NEK5: variants seen among roughly 807,000 people sequenced by gnomAD.
NEK5 encodes NIMA related kinase 5, also known as serine/threonine-protein kinase Nek5.
A neutral mutation model predicts 109.2 loss-of-function variants in NEK5; 88 were observed. That is an observed-to-expected ratio of 0.81 (90% CI 0.68 to 0.96). The LOEUF (loss-of-function observed/expected upper bound fraction) is 0.96, where lower values mean the gene tolerates loss of function less well. Ranked by LOEUF, NEK5 falls within the 40% of genes least tolerant of loss-of-function variation. NEK5 has a pLI of 0.00. For missense variants in NEK5, 834 were observed against 920.7 expected (o/e 0.91, Z 1.22); for synonymous variants, 283 against 299.9 (o/e 0.94, Z 0.58).
intron 19 of NEK5, among the ~76,000 whole-genome samples, chr13:52,075,241 T>G (rs550537966): frequency 1.6e-4 from 24 of 152,194 alleles, no homozygotes; most frequent in African/African-American, 5.1e-4. Context: ...TCAGTGGTGG[T>G]CTGGATAAAG....
intron 17 of NEK5, among the ~76,000 whole-genome samples, 169 bp downstream of exon 17, chr13:52,083,091 A>C (rs1955046685): frequency 6.6e-6 from 1 of 152,060 alleles, no homozygotes; most frequent in African/African-American, 2.4e-5. Context: ...CACTGCAGTG[A>C]GCCAAGATCG....
Position 52,034,382 on chromosome 13 carries a change from A to ACTT in NEK5, c.*2563_*2565dup, listed in dbSNP as rs1488502356. 1.3e-5 allele frequency: 2 copies of ACTT among 152,156 alleles called. No homozygotes were observed. The highest frequency in any genetic ancestry group is 6.5e-5 in the Admixed American group (1 of 15,276). 9.4% of individuals were successfully genotyped at this position (152,156 alleles called of 1,614,324 possible). A position where few individuals can be genotyped will look rare whatever the true frequency, so the allele number is the denominator to read the frequency against. On this transcript the variant is annotated 3_prime_UTR_variant, in exon 24 of 24. Transcript: ENST00000684899. ...GATATGTATACTTATCACAGTGAAT[A>ACTT]CTTCCAGTTTACAGCAAAGAATTCA...
intron 23 of NEK5, among the ~76,000 whole-genome samples, chr13:52,038,170 C>CAAAAAAATT (rs1555307070): frequency 3.3e-5 from 5 of 151,792 alleles, no homozygotes; most frequent in Admixed American, 1.3e-4. Context: ...ACTAAAAATA[C>CAAAAAAATT]AAAAAATTAG....
intron 21 of NEK5, among the ~76,000 whole-genome samples, chr13:52,062,657 G>C (rs1730847452): frequency 6.6e-6 from 1 of 152,018 alleles, no homozygotes; most frequent in African/African-American, 2.4e-5. Context: ...CTGACCTCAT[G>C]ATCTGCCCAC....
intron 16 of NEK5, among the ~76,000 whole-genome samples, chr13:52,085,814 A>C (rs1402436981): frequency 6.6e-6 from 1 of 152,242 alleles, no homozygotes; most frequent in Non-Finnish European, 1.5e-5. Context: ...TTTAAGAATC[A>C]GTTCAACTGC....
At chr13:52,116,616 C>T (rs1480228721) in intron 4 of NEK5, among the ~76,000 whole-genome samples, 1 of 152,232 alleles carries the variant, frequency 6.6e-6, no homozygotes, top group African/African-American at 2.4e-5. Context: ...GAGAATCCAG[C>T]TAAGCCAACC....
chr13:52,125,281 T>C (rs1243666628), intron 3 of NEK5, among the ~76,000 whole-genome samples: 1 of 152,166 alleles, frequency 6.6e-6, no homozygotes, highest in African/African-American at 2.4e-5. Context: ...ACATAGATGT[T>C]GGATGGGTGT....
intron 17 of NEK5, among the ~76,000 whole-genome samples, chr13:52,079,610 T>C (rs927423282): frequency 2.0e-5 from 3 of 152,288 alleles, no homozygotes; most frequent in Admixed American, 2.0e-4. Context: ...TGCTCAATGG[T>C]GCCCAGGCTG....
At chr13:52,107,640 G>A (rs543132509) in intron 8 of NEK5, among the ~76,000 whole-genome samples, 1 of 151,532 alleles carries the variant, frequency 6.6e-6, no homozygotes, top group African/African-American at 2.4e-5. Context: ...AGGCTGTAAT[G>A]TAACAAAAGC....
chr13:52,112,356 C>G lies in NEK5; in HGVS notation c.224G>C (p.Arg75Thr), dbSNP rs1202471364. The G allele has an allele frequency of 6.3e-7, 1 of 1,592,808 alleles. No individual in the cohort carries two copies. The highest frequency in any genetic ancestry group is 1.1e-5 in the South Asian group (1 of 90,498). Residue 75 changes from arginine (R) to threonine (T), a missense_variant, in exon 5 of 24, where the codon AGG becomes ACG. Coordinates refer to ENST00000684899, the MANE Select transcript of NEK5 (RefSeq NM_001365552.1). ...ACAATATTCCATTACAATAAACAGC[C>G]TGCCATTCTCTGTAAGAAAAGGAAT... ...AFFNSFQENGRLFIVMEYCDG... is the reference protein window; with the variant it reads ...AFFNSFQENGTLFIVMEYCDG...
intron 11 of NEK5, among the ~76,000 whole-genome samples, chr13:52,101,184 G>A (rs1193541598): frequency 1.3e-5 from 2 of 152,090 alleles, no homozygotes; most frequent in Non-Finnish European, 2.9e-5. Context: ...GGATCACGAG[G>A]TCCGGAGATC....
chr13:52,120,100 G>T (rs1162227373), intron 3 of NEK5, among the ~76,000 whole-genome samples: 2 of 152,046 alleles, frequency 1.3e-5, no homozygotes, highest in African/African-American at 4.8e-5. Flanking sequence ...TGTCCACGGG[G>T]CCTCCACCCA....
At chr13:52,105,736 C>A (rs1344325672) in intron 8 of NEK5, among the ~76,000 whole-genome samples, 1 of 152,174 alleles carries the variant, frequency 6.6e-6, no homozygotes, top group Non-Finnish European at 1.5e-5. Flanking sequence ...AGGCCTGAGA[C>A]CACTCTGCAT....
rs114571085 is a variant in NEK5 at position 52,079,058 on chromosome 13, G to A, written c.1573-2915C>T. ...TTCAAACTGACACAGGCTGGTGTAT[G>A]AAGTACTTGGAAATGCTGTGGAAAT... On this transcript the variant is annotated intron_variant, in intron 17 of 23. Coordinates refer to ENST00000684899, the MANE Select transcript of NEK5 (RefSeq NM_001365552.1). 5.8e-3 allele frequency among the ~76,000 whole-genome samples: 880 copies of A among 152,320 alleles called. 2 individuals are homozygous for A. The highest frequency in any genetic ancestry group is 0.019 in the African/African-American group (798 of 41,566).
intron 22 of NEK5, among the ~76,000 whole-genome samples, chr13:52,057,967 GAAGCAAATA>G (rs1164813833): frequency 6.6e-6 from 1 of 152,024 alleles, no homozygotes; most frequent in Non-Finnish European, 1.5e-5. Flanking sequence ...TGAGGCAGGA[GAAGCAAATA>G]AAGAGTATTC....
In NEK5 at chr13:52,071,987, A is replaced by C; in HGVS notation, c.1806T>G (p.Asp602Glu). ...KEYECVKEHG[D>E]YTDKAFEKLH... ...GTTTTTCAAATGCTTTGTCTGTATA[A>C]TCTCCATGCTCCTTTACACATTCAT... The change falls in exon 20 of 24, where the codon GAT becomes GAG. Residue 602 changes from aspartate (D) to glutamate (E), a missense_variant. Physicochemically the swap from Asp to Glu is conservative, Grantham distance 45 (BLOSUM62 2). Around this residue, in one of 2 missense-constraint regions of NEK5, gnomAD observed 777 missense variants for 824.7 expected, o/e 0.94. Transcript: ENST00000684899. The C allele has an allele frequency of 1.2e-6, 2 of 1,612,376 alleles. No individual in the cohort carries two copies. Among genetic ancestry groups the C allele is most frequent in the Non-Finnish European group, 1.7e-6 (2 of 1,178,524 alleles).
chr13:52,072,114 TGAAA>T, intron 19 of NEK5, 44 bp from the exon 20 acceptor site: 2 of 1,530,064 alleles, frequency 1.3e-6, no homozygotes, highest in Non-Finnish European at 1.8e-6. Context: ...AGCCATATTT[TGAAA>T]GAAAGAAAAA....
chr13:52,051,104 TAA>T (rs1446097538), intron 22 of NEK5, among the ~76,000 whole-genome samples: 1 of 151,686 alleles, frequency 6.6e-6, no homozygotes, highest in Admixed American at 6.6e-5. Context: ...TCAGGTTAAT[TAA>T]AAGTTTAATA....
chr13:52,081,359 T>TG (rs1226350728), intron 17 of NEK5, among the ~76,000 whole-genome samples: 1 of 152,180 alleles, frequency 6.6e-6, no homozygotes, highest in Non-Finnish European at 1.5e-5. Flanking sequence ...AAATATCAGA[T>TG]GCCTTTTCTT....
Sources: gnomAD v4.1 joint callset for allele counts (sites outside exome capture counted in the v4.1 genomes callset) on GRCh38, gnomAD v4.1.1 for gene constraint, gnomAD v4.1.1 regional missense constraint, MANE v1.5 for transcripts, NCBI Gene and HGNC (gene_info 2026-07-23, HGNC 2026-07-21) for gene names.